DMD: variants seen among roughly 807,000 people sequenced by gnomAD.
DMD encodes the protein dystrophin.
Under a neutral mutation model 330.1 loss-of-function variants are expected in DMD, and 63 were observed. The ratio of observed to expected loss-of-function variants is 0.19; its 90% CI spans 0.16 to 0.24. DMD has a LOEUF of 0.24. Among genes scored for constraint, DMD ranks in the 10% least tolerant of loss-of-function variants. The pLI, the probability that DMD is intolerant of heterozygous loss-of-function variation, is 1.00. For synonymous variants in DMD, 1,223 were observed against 959.8 expected, an observed-to-expected ratio of 1.27 and a Z score of -5.07; for missense variants, 3,344 against 2,684.1, an observed-to-expected ratio of 1.25 and a Z score of -5.43.
In DMD at chrX:32,644,450, T is replaced by A; in HGVS notation, c.1150-137A>T. ...CCAGTAAAAGGAATTTAATTTGTATTTGCAGAATCCCAAAACCACTTTTAA... is the reference window on the plus strand; with the variant it reads ...CCAGTAAAAGGAATTTAATTTGTATATGCAGAATCCCAAAACCACTTTTAA... On this transcript the variant is annotated intron_variant, in intron 10 of 78. Transcript: ENST00000357033. 6 of 706,494 alleles carry A rather than the reference T, an allele frequency of 8.5e-6. No individual in the cohort carries two copies. In the South Asian group the frequency reaches 1.7e-4, roughly 20 times the overall value. 58.2% of individuals were successfully genotyped at this position (706,494 alleles called of 1,213,427 possible).
At chrX:32,613,985 G>A (rs2057372873) in intron 12 of DMD, among the ~76,000 whole-genome samples, 1 of 110,106 alleles carries the variant, frequency 9.1e-6, no homozygotes, top group South Asian at 3.9e-4. Context: ...GCATGGTGGA[G>A]GGTCAAGAGA....
At chrX:31,541,542 A>G (rs1603345176) in intron 55 of DMD, among the ~76,000 whole-genome samples, 1 of 94,791 alleles carries the variant, frequency 1.1e-5, no homozygotes, top group Admixed American at 1.3e-4. Flanking sequence ...CCTGTGTCCA[A>G]GTGTTCTCAT....
chrX:32,033,848 T>G (rs901172728), intron 44 of DMD, among the ~76,000 whole-genome samples: 4 of 111,877 alleles, frequency 3.6e-5, no homozygotes, highest in Admixed American at 9.5e-5. Context: ...ATATGTGGCA[T>G]GCAGGCAACC....
At chrX:32,561,260 T>C (rs2050968828) in intron 16 of DMD, among the ~76,000 whole-genome samples, 1 of 110,971 alleles carries the variant, frequency 9.0e-6, no homozygotes, top group South Asian at 3.8e-4. Context: ...ACAACCACGA[T>C]AAAACGTAAC....
intron 1 of DMD, chrX:33,159,410 T>C (rs995909545): frequency 6.3e-5 from 7 of 111,120 alleles, no homozygotes; most frequent in Admixed American, 4.8e-4. Flanking sequence ...ACATTAGGTA[T>C]TTCTCCTAAT....
chrX:32,516,649 G>A (rs1249332622), intron 18 of DMD: 3 of 111,441 alleles, frequency 2.7e-5, no homozygotes, highest in Non-Finnish European at 3.8e-5. Context: ...TGCTAAAGGT[G>A]ATTCATACTT....
intron 45 of DMD, among the ~76,000 whole-genome samples, chrX:31,967,334 G>GTGTGTGTGTGTGTGTGTGTGTGTT (rs2095360710): frequency 9.5e-6 from 1 of 105,350 alleles, no homozygotes; most frequent in African/African-American, 3.5e-5. Context: ...GTGTGTGTGT[G>GTGTGTGTGTGTGTGTGTGTGTGTT]TGTGTGTGTG....
At chrX:33,312,958 A>G (rs750751615) in intron 1 of DMD, among the ~76,000 whole-genome samples, 55 of 111,407 alleles carry the variant, frequency 4.9e-4, no homozygotes, top group Non-Finnish European at 6.6e-4. Flanking sequence ...AAGAAAAAGC[A>G]TAAAAATATG....
At chrX:31,304,164 T>C (rs1418988966) in intron 62 of DMD, among the ~76,000 whole-genome samples, 2 of 112,110 alleles carry the variant, frequency 1.8e-5, no homozygotes, top group African/African-American at 6.5e-5. Flanking sequence ...TTAAACAAAA[T>C]ATACCCAGTA....
At chrX:33,005,278 A>G (rs968179838) in intron 2 of DMD, among the ~76,000 whole-genome samples, 24 of 80,451 alleles carry the variant, frequency 3.0e-4, no homozygotes, top group African/African-American at 9.1e-4. Flanking sequence ...ACACACAAAC[A>G]CACACACACA....
intron 4 of DMD, among the ~76,000 whole-genome samples, chrX:32,829,646 ACTT>A (rs1301258729): frequency 1.8e-5 from 2 of 111,703 alleles, no homozygotes; most frequent in African/African-American, 6.5e-5. Flanking sequence ...TAAGATGCAT[ACTT>A]CTTTTATTTC....
In DMD at chrX:33,111,200, C is replaced by T. The variant is rs1451373412; in HGVS notation, c.32-91000G>A. On this transcript the variant is annotated intron_variant, in intron 1 of 78. Transcript: ENST00000357033. The stretch of plus-strand genomic sequence containing the variant: ...TAAACCTCTACAGAAACTCAGCAGT[C>T]CCTACAACACATCCTTGAAGAATGA... Among the ~76,000 whole-genome samples, 3 of 111,506 alleles carry T rather than the reference C, an allele frequency of 2.7e-5. No homozygotes were observed. In the East Asian group the frequency reaches 8.5e-4, roughly 32 times the overall value.
chrX:31,617,669 A>G (rs1017387907), intron 55 of DMD, among the ~76,000 whole-genome samples: 4 of 111,176 alleles, frequency 3.6e-5, no homozygotes, highest in African/African-American at 6.6e-5. Flanking sequence ...GTTTGGAAAT[A>G]CCTCTAAGAA....
intron 41 of DMD, among the ~76,000 whole-genome samples, chrX:32,317,474 T>G (rs1354210016): frequency 3.6e-5 from 4 of 111,653 alleles, no homozygotes; most frequent in Non-Finnish European, 7.6e-5. Context: ...AAACTTAAGT[T>G]ATCACATTCT....
chrX:31,660,968 T>C (rs1425187657), intron 53 of DMD, among the ~76,000 whole-genome samples: 1 of 111,590 alleles, frequency 9.0e-6, no homozygotes, highest in Non-Finnish European at 1.9e-5. Flanking sequence ...ACATAATCAA[T>C]AGATCATAAA....
At chrX:31,487,112 C>A (rs1404872776) in intron 57 of DMD, among the ~76,000 whole-genome samples, 1 of 111,897 alleles carries the variant, frequency 8.9e-6, no homozygotes, top group Admixed American at 9.4e-5. Context: ...GAGCAAACAA[C>A]AGAAAGAGAG....
chrX:32,950,033 C>T (rs113162425), intron 2 of DMD, among the ~76,000 whole-genome samples: 5,775 of 72,366 alleles, frequency 0.08, 124 homozygotes, highest in Middle Eastern at 0.11. Flanking sequence ...GCTAGTAGAA[C>T]GGTGGTGAAT....
At chrX:32,789,302 C>T (rs1428662737) in intron 7 of DMD, among the ~76,000 whole-genome samples, 1 of 112,293 alleles carries the variant, frequency 8.9e-6, no homozygotes, top group East Asian at 2.8e-4. Context: ...AAGATGTGAA[C>T]AGCAGGCTTA....
intron 7 of DMD, among the ~76,000 whole-genome samples, chrX:32,729,066 G>C (rs1439379998): frequency 1.8e-5 from 2 of 112,198 alleles, no homozygotes; most frequent in Admixed American, 9.5e-5. Context: ...ACACGTGTAA[G>C]CAAGTAAGTT....
Sources: gnomAD v4.1 joint callset for allele counts (sites outside exome capture counted in the v4.1 genomes callset) on GRCh38, gnomAD v4.1.1 for gene constraint, MANE v1.5 for transcripts, NCBI Gene and HGNC (gene_info 2026-07-23, HGNC 2026-07-21) for gene names.